The following TMC1 variants were observed in gnomAD, a reference collection of about 807,000 sequenced individuals.
TMC1 encodes transmembrane channel like 1, also known as transmembrane channel-like protein 1.
In TMC1, 84 loss-of-function variants were observed where a neutral mutation model predicts 105.8. The ratio of observed to expected loss-of-function variants is 0.79; its 90% CI spans 0.67 to 0.95. The LOEUF (loss-of-function observed/expected upper bound fraction) is 0.95, where lower values mean the gene tolerates loss of function less well. TMC1 is among the 40% of genes least tolerant of loss of function. TMC1 has a pLI of 0.00. For synonymous variants in TMC1, 315 were observed against 311.5 expected, an observed-to-expected ratio of 1.01 and a Z score of -0.12; for missense variants, 817 against 914.1, an observed-to-expected ratio of 0.89 and a Z score of 1.37.
intron 6 of TMC1, among the ~76,000 whole-genome samples, chr9:72,689,745 G>A (rs139347025): frequency 6.6e-5 from 10 of 152,194 alleles, no homozygotes; most frequent in Non-Finnish European, 1.3e-4. Flanking sequence ...TTTGTCCGAT[G>A]TAAGTATAGC....
intron 17 of TMC1, 147 bp from the exon 18 acceptor site, chr9:72,805,235 A>G (rs868614166): frequency 3.1e-6 from 2 of 640,204 alleles, no homozygotes; most frequent in South Asian, 2.4e-5. Context: ...TTTTTTATTT[A>G]CTTGATATGA....
At chr9:72,584,929 C>T (rs538972532) in intron 2 of TMC1, among the ~76,000 whole-genome samples, 31 of 149,178 alleles carry the variant, frequency 2.1e-4, no homozygotes, top group East Asian at 8.1e-4. Flanking sequence ...GGATTACAGG[C>T]GTGCACTACC....
At position 72,596,538 on chromosome 9, in the gene TMC1, G is replaced by GT. The variant is rs1463964226; in HGVS notation, c.-306+18516dup. On this transcript the variant is annotated intron_variant, in intron 2 of 23. Coordinates refer to ENST00000297784, the MANE Select transcript of TMC1 (RefSeq NM_138691.3). ...GGACTATCAGTTCACAGTTTCAATT[G>GT]TAAAAAAAAAAAAAAAAAAAAAAGA... 1.6e-4 allele frequency among the ~76,000 whole-genome samples: 10 copies of GT among 63,384 alleles called. No homozygotes were observed. In the Admixed American group the frequency reaches 2.0e-3, roughly 12 times the overall value. The allele number at this position is 63,384 out of a possible 152,430, so 41.6% of individuals were successfully genotyped here.
At chr9:72,657,460 T>A (rs565593958) in intron 5 of TMC1, among the ~76,000 whole-genome samples, 3 of 152,310 alleles carry the variant, frequency 2.0e-5, no homozygotes, top group East Asian at 1.9e-4. Flanking sequence ...CTGTTTTTTT[T>A]ATAATATGCT....
intron 13 of TMC1, among the ~76,000 whole-genome samples, chr9:72,778,898 C>T (rs1244567554): frequency 4.6e-5 from 7 of 152,154 alleles, no homozygotes; most frequent in Non-Finnish European, 7.4e-5. Flanking sequence ...AGCCTCCACC[C>T]GCACACAACC....
At chr9:72,785,400 A>C (rs1304699648) in intron 13 of TMC1, among the ~76,000 whole-genome samples, 1 of 152,196 alleles carries the variant, frequency 6.6e-6, no homozygotes, top group Non-Finnish European at 1.5e-5. Context: ...AATTTCATGG[A>C]TAGAAGATTT....
At chr9:72,527,688 G>T (rs1197252690) in intron 1 of TMC1, among the ~76,000 whole-genome samples, 1 of 152,170 alleles carries the variant, frequency 6.6e-6, no homozygotes, top group African/African-American at 2.4e-5. Context: ...TGCTGCTGTT[G>T]TTTGTTCCGT....
At position 72,658,549 on chromosome 9, in the gene TMC1, C is replaced by T. The variant is rs186339291; in HGVS notation, c.16+9885C>T. ...CTAATTTTTAACTCTCTATCCTAGA[C>T]AACTTTTGCTAAACGTGTATAACAT... On this transcript the variant is annotated intron_variant, in intron 5 of 23. Transcript: ENST00000297784. Among the ~76,000 whole-genome samples the T allele has an allele frequency of 3.3e-5, 5 of 152,272 alleles. No individual in the cohort carries two copies. The East Asian group carries it at 9.7e-4, about 29-fold the overall frequency.
chr9:72,579,163 A>G (rs1305937849), intron 2 of TMC1, among the ~76,000 whole-genome samples: 2 of 152,210 alleles, frequency 1.3e-5, no homozygotes, highest in East Asian at 3.8e-4. Context: ...TTAACTTTTT[A>G]AAGGTGCAAG....
At chr9:72,701,033 A>T (rs1826637352) in intron 8 of TMC1, among the ~76,000 whole-genome samples, 1 of 151,922 alleles carries the variant, frequency 6.6e-6, no homozygotes, top group South Asian at 2.1e-4. Context: ...CTTAAACTGG[A>T]GTTTCCTTAG....
chr9:72,799,429 AT>A (rs1469261303), intron 17 of TMC1, among the ~76,000 whole-genome samples: 1 of 152,168 alleles, frequency 6.6e-6, no homozygotes, highest in Non-Finnish European at 1.5e-5. Context: ...TCAGATGCTC[AT>A]CAAACTTAAG....
At chr9:72,707,514 T>C (rs1235725983) in intron 8 of TMC1, among the ~76,000 whole-genome samples, 1 of 152,238 alleles carries the variant, frequency 6.6e-6, no homozygotes, top group African/African-American at 2.4e-5. Context: ...TCATTAGTGA[T>C]GTTGAGCATT....
chr9:72,754,758 T>A (rs979179624), intron 11 of TMC1, 28 bp from the exon 12 acceptor site: 2 of 1,544,554 alleles, frequency 1.3e-6, no homozygotes, highest in Non-Finnish European at 1.8e-6. Flanking sequence ...TTCTAATTGT[T>A]CACTGCTTTC....
intron 17 of TMC1, among the ~76,000 whole-genome samples, chr9:72,803,933 G>A (rs552398531): frequency 5.9e-5 from 9 of 152,278 alleles, no homozygotes; most frequent in South Asian, 4.1e-4. Context: ...ACATGCCCAC[G>A]TATATTCATT....
chr9:72,765,118 C>T (rs374307800), intron 12 of TMC1, among the ~76,000 whole-genome samples: 2 of 152,100 alleles, frequency 1.3e-5, no homozygotes, highest in Non-Finnish European at 2.9e-5. Context: ...AGGAACAATC[C>T]GGAATTCTTA....
rs373662034 is a variant in TMC1, at chr9:72,821,043, C to T, written c.1965C>T (p.Ile655=). The change falls in exon 20 of 24, where the codon ATC becomes ATT. Residue 655 remains isoleucine, a synonymous_variant. Transcript: ENST00000297784. ...CCACAATGCCTGTCTTGTACATGAT[C>T]GTGTCCCTCCCACCATCTTTTGATT... ...FLSTMPVLYM[I]VSLPPSFDCG... The T allele has an allele frequency of 8.7e-6, 14 of 1,614,022 alleles. No homozygotes were observed. The highest frequency in any genetic ancestry group is 3.3e-5 in the Admixed American group (2 of 60,002).
At chr9:72,522,275 G>T (rs1445811634) in intron 1 of TMC1, among the ~76,000 whole-genome samples, 5 of 151,678 alleles carry the variant, frequency 3.3e-5, no homozygotes, top group Non-Finnish European at 7.4e-5. Context: ...CTAATTTTTT[G>T]TATTTTTAGT....
At chr9:72,686,663 G>A (rs1826385459) in intron 5 of TMC1, among the ~76,000 whole-genome samples, 1 of 152,140 alleles carries the variant, frequency 6.6e-6, no homozygotes, top group African/African-American at 2.4e-5. Context: ...TTATCACAAT[G>A]ACTATAAAAC....
intron 2 of TMC1, among the ~76,000 whole-genome samples, chr9:72,579,679 T>A (rs952719329): frequency 4.1e-4 from 63 of 152,358 alleles, no homozygotes; most frequent in African/African-American, 1.5e-3. Flanking sequence ...TGTTATTTTA[T>A]TCAATCTTCA....
Sources: gnomAD v4.1 joint callset for allele counts (sites outside exome capture counted in the v4.1 genomes callset) on GRCh38, gnomAD v4.1.1 for gene constraint, MANE v1.5 for transcripts, NCBI Gene and HGNC (gene_info 2026-07-23, HGNC 2026-07-21) for gene names.